The following HPSE2 variants were observed in gnomAD, a reference collection of about 807,000 sequenced individuals.
HPSE2 encodes heparanase 2 (inactive).
HPSE2 carries 38 observed loss-of-function variants against 60.5 expected under a neutral mutation model. That is an observed-to-expected ratio of 0.63 (90% CI 0.48 to 0.82). HPSE2 has a LOEUF of 0.82. Ranked by LOEUF, HPSE2 falls within the 40% of genes least tolerant of loss-of-function variation. The pLI, the probability that HPSE2 is intolerant of heterozygous loss-of-function variation, is 0.00. For missense variants in HPSE2, 713 were observed against 740.4 expected (o/e 0.96, Z 0.43); for synonymous variants, 295 against 293.2 (o/e 1.01, Z -0.06).
Position 98,744,070 on chromosome 10 carries a change from G to A in HPSE2, c.611-14C>T, listed in dbSNP as rs758070571. 1 of 1,612,576 alleles carries A rather than the reference G, an allele frequency of 6.2e-7. No homozygotes were observed. The highest frequency in any genetic ancestry group is 1.7e-5 in the Admixed American group (1 of 59,806). ...CTAGAGACCTGGCTGGGAAGAAGCAGAGAAAGGCTTGTAACTTTCAAATCA... is the reference window on the plus strand; with the variant it reads ...CTAGAGACCTGGCTGGGAAGAAGCAAAGAAAGGCTTGTAACTTTCAAATCA... On this transcript the variant is annotated splice_polypyrimidine_tract_variant and intron_variant, in intron 3 of 11. Transcript: ENST00000370552.
chr10:99,201,987 C>T (rs920082859), intron 2 of HPSE2, among the ~76,000 whole-genome samples: 4 of 152,136 alleles, frequency 2.6e-5, no homozygotes, highest in African/African-American at 9.7e-5. Context: ...CTAACCACAG[C>T]CATCTCCTAT....
At chr10:98,895,856 G>A (rs1036279414) in intron 3 of HPSE2, among the ~76,000 whole-genome samples, 1 of 144,936 alleles carries the variant, frequency 6.9e-6, no homozygotes. Context: ...AACACTGCAT[G>A]TTCTCACTCA....
chr10:99,059,820 G>C (rs1191938209), intron 3 of HPSE2, among the ~76,000 whole-genome samples: 3 of 152,034 alleles, frequency 2.0e-5, no homozygotes, highest in Non-Finnish European at 2.9e-5. Flanking sequence ...AGCTGATAGA[G>C]CTAATAAATA....
chr10:99,184,036 A>G (rs1035912710), intron 2 of HPSE2, among the ~76,000 whole-genome samples: 4 of 152,186 alleles, frequency 2.6e-5, no homozygotes. Context: ...CATCCCAGAA[A>G]AAAACAAAAA....
chr10:98,841,719 A>T (rs1022834225), intron 3 of HPSE2, among the ~76,000 whole-genome samples: 2 of 152,110 alleles, frequency 1.3e-5, no homozygotes, highest in Non-Finnish European at 2.9e-5. Flanking sequence ...CTAACATGAG[A>T]GTTGTTAAGG....
chr10:98,658,172 G>A (rs927981600), intron 6 of HPSE2, among the ~76,000 whole-genome samples: 3 of 152,028 alleles, frequency 2.0e-5, no homozygotes, highest in East Asian at 3.9e-4. Context: ...AAGGACTATC[G>A]CCATGCCCGG....
At chr10:99,246,158 T>C in the HPSE2 span, among the ~76,000 whole-genome samples, 2 of 151,932 alleles carry the variant, frequency 1.3e-5, no homozygotes, top group East Asian at 3.9e-4. Context: ...AAAAAGAAAA[T>C]AAAACAAAAA....
intron 6 of HPSE2, among the ~76,000 whole-genome samples, chr10:98,650,765 T>A (rs908159057): frequency 2.0e-5 from 3 of 152,196 alleles, no homozygotes; most frequent in Admixed American, 6.5e-5. Context: ...CACATATCAG[T>A]AGGAGGCAGC....
chr10:98,692,020 CA>C (rs893328744), intron 6 of HPSE2, among the ~76,000 whole-genome samples: 4 of 151,668 alleles, frequency 2.6e-5, no homozygotes, highest in African/African-American at 9.7e-5. Context: ...AAACAAATTA[CA>C]AAAACAAGTC....
intron 2 of HPSE2, among the ~76,000 whole-genome samples, chr10:99,185,710 C>T (rs529796507): frequency 2.0e-4 from 30 of 150,928 alleles, no homozygotes; most frequent in Non-Finnish European, 2.2e-4. Flanking sequence ...GGAGGCGGAG[C>T]TTGCAGTAAG....
intron 9 of HPSE2, among the ~76,000 whole-genome samples, chr10:98,574,915 G>T (rs1944600846): frequency 6.6e-6 from 1 of 152,184 alleles, no homozygotes; most frequent in Non-Finnish European, 1.5e-5. Flanking sequence ...GAACTGTCTT[G>T]ACCTCAGTGG....
At chr10:98,751,158 A>G (rs1949748909) in intron 3 of HPSE2, among the ~76,000 whole-genome samples, 1 of 151,986 alleles carries the variant, frequency 6.6e-6, no homozygotes, top group Admixed American at 6.6e-5. Flanking sequence ...CAGCTACCTT[A>G]CTTTCCCTCC....
intron 6 of HPSE2, among the ~76,000 whole-genome samples, chr10:98,670,022 A>G (rs1187730364): frequency 1.3e-5 from 2 of 152,232 alleles, no homozygotes; most frequent in East Asian, 3.9e-4. Flanking sequence ...AGTCATGCAG[A>G]TTTCTAGAGG....
chr10:99,176,786 C>A (rs956227959), intron 2 of HPSE2, among the ~76,000 whole-genome samples: 1 of 151,958 alleles, frequency 6.6e-6, no homozygotes, highest in African/African-American at 2.4e-5. Flanking sequence ...AAAGATACTC[C>A]TTGAGGAGAG....
intron 3 of HPSE2, among the ~76,000 whole-genome samples, chr10:98,895,084 A>C (rs1953445864): frequency 6.6e-6 from 1 of 152,148 alleles, no homozygotes; most frequent in African/African-American, 2.4e-5. Flanking sequence ...GTTTAAAAAA[A>C]ATTTAGGAGT....
At chr10:98,504,718 A>T (rs1942141340) in intron 9 of HPSE2, among the ~76,000 whole-genome samples, 1 of 144,772 alleles carries the variant, frequency 6.9e-6, no homozygotes, top group Non-Finnish European at 1.5e-5. Flanking sequence ...TGAACCCAGG[A>T]GGTGGAGCTT....
intron 9 of HPSE2, among the ~76,000 whole-genome samples, chr10:98,522,561 G>A (rs561172259): frequency 2.6e-4 from 40 of 152,206 alleles, no homozygotes; most frequent in Middle Eastern, 3.4e-3. Context: ...GGCAACCTCC[G>A]CTTCCCGGAT....
intron 9 of HPSE2, among the ~76,000 whole-genome samples, chr10:98,529,544 C>T (rs1403210551): frequency 6.6e-6 from 1 of 152,102 alleles, no homozygotes; most frequent in Admixed American, 6.6e-5. Context: ...CCTCACATGC[C>T]CTCAACTCTG....
the HPSE2 span, among the ~76,000 whole-genome samples, chr10:99,284,189 T>A: frequency 3.9e-5 from 6 of 152,066 alleles, no homozygotes; most frequent in Non-Finnish European, 5.9e-5. Context: ...CACAATCAAG[T>A]GAGTAGGATT....
Sources: gnomAD v4.1 joint callset for allele counts (sites outside exome capture counted in the v4.1 genomes callset) on GRCh38, gnomAD v4.1.1 for gene constraint, MANE v1.5 for transcripts, NCBI Gene and HGNC (gene_info 2026-07-23, HGNC 2026-07-21) for gene names.